Variants in CA10 observed in about 807,000 individuals in gnomAD.
CA10 encodes the protein carbonic anhydrase 10 (inactive).
Under a neutral mutation model 44.2 loss-of-function variants are expected in CA10, and 14 were observed. The ratio of observed to expected loss-of-function variants is 0.32; its 90% CI spans 0.21 to 0.50. The LOEUF is 0.50. CA10 is among the 20% of genes least tolerant of loss of function. CA10 has a pLI of 0.99. For missense variants in CA10, 350 were observed against 409.7 expected, an observed-to-expected ratio of 0.85 and a Z score of 1.26; for synonymous variants, 159 against 141.6, an observed-to-expected ratio of 1.12 and a Z score of -0.87.
At chr17:51,769,987 C>T (rs1905536597) in intron 3 of CA10, among the ~76,000 whole-genome samples, 2 of 151,978 alleles carry the variant, frequency 1.3e-5, no homozygotes, top group Admixed American at 1.3e-4. Context: ...TTTTTTAGGC[C>T]AGTTGCTGGA....
chr17:51,755,047 A>G (rs1268418), intron 3 of CA10, among the ~76,000 whole-genome samples: 61,050 of 151,938 alleles, frequency 0.4, 13,302 homozygotes, highest in Middle Eastern at 0.52. Flanking sequence ...CATAATTTTA[A>G]AAGTCAGCTA....
At chr17:51,914,696 C>T (rs1981924456) in intron 3 of CA10, among the ~76,000 whole-genome samples, 1 of 152,126 alleles carries the variant, frequency 6.6e-6, no homozygotes, top group Non-Finnish European at 1.5e-5. Flanking sequence ...ACCCATGCTG[C>T]CTTCTTCCTA....
At chr17:51,744,156 C>CT (rs1904573455) in intron 4 of CA10, among the ~76,000 whole-genome samples, 1 of 151,754 alleles carries the variant, frequency 6.6e-6, no homozygotes, top group African/African-American at 2.4e-5. Context: ...CTCACCTGTA[C>CT]TGAAAAAAAT....
intron 3 of CA10, among the ~76,000 whole-genome samples, chr17:51,849,211 A>G (rs3932205): frequency 0.17 from 7,568 of 43,338 alleles, 529 homozygotes; most frequent in Non-Finnish European, 0.23. Context: ...ATATGTATAT[A>G]TATATATACA....
intron 3 of CA10, among the ~76,000 whole-genome samples, chr17:51,819,934 A>G (rs1252840683): frequency 1.3e-5 from 2 of 151,496 alleles, no homozygotes; most frequent in Non-Finnish European, 2.9e-5. Flanking sequence ...CTCTTTGTTT[A>G]TCCCCCTCTC....
intron 3 of CA10, chr17:51,763,338 C>G (rs1407339600): frequency 6.6e-6 from 1 of 152,182 alleles, no homozygotes; most frequent in African/African-American, 2.4e-5. Context: ...AAAATCAGCT[C>G]TCTGGTTATC....
chr17:51,929,025 G>C (rs1281534270), intron 3 of CA10, among the ~76,000 whole-genome samples: 1 of 152,056 alleles, frequency 6.6e-6, no homozygotes, highest in African/African-American at 2.4e-5. Flanking sequence ...ATGTTGCCAA[G>C]ATTCCAAACT....
chr17:51,821,910 T>G (rs1400044519), intron 3 of CA10, among the ~76,000 whole-genome samples: 3 of 152,218 alleles, frequency 2.0e-5, no homozygotes, highest in Non-Finnish European at 4.4e-5. Context: ...TTTTCTCATT[T>G]GTAAAATGGG....
chr17:51,700,984 A>G (rs1915580199), intron 4 of CA10, among the ~76,000 whole-genome samples: 1 of 152,086 alleles, frequency 6.6e-6, no homozygotes, highest in South Asian at 2.1e-4. Context: ...GGGGCTTAAT[A>G]CCTAGGTGAT....
intron 4 of CA10, among the ~76,000 whole-genome samples, chr17:51,718,361 G>C (rs908966777): frequency 1.3e-5 from 2 of 152,162 alleles, no homozygotes; most frequent in African/African-American, 4.8e-5. Context: ...AGAGGCCGAA[G>C]GTTGAGCTAA....
intron 3 of CA10, among the ~76,000 whole-genome samples, chr17:51,914,926 T>G (rs1981932523): frequency 1.3e-5 from 2 of 152,316 alleles, no homozygotes; most frequent in East Asian, 3.9e-4. Context: ...CTAAATGAGA[T>G]AAAATATGTA....
intron 3 of CA10, among the ~76,000 whole-genome samples, chr17:51,775,458 G>C (rs547682514): frequency 6.6e-6 from 1 of 152,278 alleles, no homozygotes; most frequent in Admixed American, 6.5e-5. Context: ...AGGGTACAAG[G>C]GGGGTGGGTA....
intron 4 of CA10, among the ~76,000 whole-genome samples, chr17:51,656,526 G>T (rs1282702370): frequency 6.6e-6 from 1 of 152,186 alleles, no homozygotes; most frequent in African/African-American, 2.4e-5. Context: ...TATTGTGTTA[G>T]GTTGAACCAC....
chr17:51,934,340 A>G (rs555378159), intron 2 of CA10, among the ~76,000 whole-genome samples: 182 of 144,090 alleles, frequency 1.3e-3, no homozygotes, highest in African/African-American at 4.4e-3. Context: ...CAAGATTTCC[A>G]GTGCTACTGA....
At chr17:51,872,364 G>A (rs1407348728) in intron 3 of CA10, among the ~76,000 whole-genome samples, 1 of 152,064 alleles carries the variant, frequency 6.6e-6, no homozygotes, top group Admixed American at 6.5e-5. Flanking sequence ...CTCCTTCGTA[G>A]GGCTCATAGT....
At chr17:52,150,230 G>T (rs1989674558) in intron 1 of CA10, among the ~76,000 whole-genome samples, 1 of 152,086 alleles carries the variant, frequency 6.6e-6, no homozygotes, top group Admixed American at 6.5e-5. Context: ...CATCCTTGGA[G>T]ACTCACCCTA....
intron 3 of CA10, among the ~76,000 whole-genome samples, chr17:51,764,011 G>T (rs1567831841): frequency 6.9e-6 from 1 of 145,808 alleles, no homozygotes; most frequent in Non-Finnish European, 1.5e-5. Flanking sequence ...CTGATTTTAT[G>T]AACCACCATG....
chr17:51,959,773 G>C (rs1598140417), intron 2 of CA10, among the ~76,000 whole-genome samples: 2 of 135,460 alleles, frequency 1.5e-5, no homozygotes, highest in South Asian at 4.9e-4. Context: ...CAAGAACCAT[G>C]GGAGACTGAT....
At chr17:51,734,612 G>C (rs1028201338) in intron 4 of CA10, among the ~76,000 whole-genome samples, 1 of 152,106 alleles carries the variant, frequency 6.6e-6, no homozygotes, top group African/African-American at 2.4e-5. Flanking sequence ...TTCTATTTGC[G>C]GGTCTTCTTT....
Sources: allele counts gnomAD v4.1 joint callset (sites outside exome capture counted in the v4.1 genomes callset), GRCh38; gene constraint gnomAD v4.1.1; transcripts MANE v1.5; gene names NCBI Gene and HGNC (gene_info 2026-07-23, HGNC 2026-07-21).